Variants in CLPX observed in about 807,000 individuals in gnomAD.
The protein encoded by CLPX is ATP-dependent clpX-like chaperone, mitochondrial.
In CLPX, 34 loss-of-function variants were observed where a neutral mutation model predicts 76.4. The observed-to-expected ratio is 0.45, with a 90% confidence interval of 0.34 to 0.59. CLPX has a LOEUF of 0.59. Ranked by LOEUF, CLPX falls within the 20% of genes least tolerant of loss-of-function variation. The pLI is 0.01. For missense variants in CLPX, 613 were observed against 757.0 expected, an observed-to-expected ratio of 0.81 and a Z score of 2.23; for synonymous variants, 248 against 270.9, an observed-to-expected ratio of 0.92 and a Z score of 0.83.
rs1312204551 is a variant in CLPX at position 65,185,129 on chromosome 15, A to C, written c.25T>G (p.Cys9Gly). 6.3e-7 allele frequency: 1 copy of C among 1,576,948 alleles called. No individual in the cohort carries two copies. Among genetic ancestry groups the C allele is most frequent in the Non-Finnish European group, 8.6e-7 (1 of 1,161,808 alleles). The stretch of plus-strand genomic sequence containing the variant: ...ATGAGCCGGACGGCCGCCGCGCCGC[A>C]AGTACAAGCACCGCAGCTGGGCATC... Reference protein sequence around the residue: MPSCGACTCGAAAVRLITS... With the variant: MPSCGACTGGAAAVRLITS... Residue 9 changes from cysteine (C) to glycine (G), a missense_variant, in exon 1 of 14, where the codon TGC (cysteine) becomes GGC (glycine). This residue lies in a region of CLPX where 163 missense variants were observed against 118.4 expected (regional missense o/e 1.38). Coordinates refer to ENST00000300107, the MANE Select transcript of CLPX (RefSeq NM_006660.5).
At chr15:65,151,879 A>C (rs1034734726) in intron 13 of CLPX, among the ~76,000 whole-genome samples, 14 of 152,160 alleles carry the variant, frequency 9.2e-5, no homozygotes, top group African/African-American at 3.4e-4. Context: ...TTATTGAATA[A>C]ATCAGGGGTT....
intron 12 of CLPX, among the ~76,000 whole-genome samples, chr15:65,152,865 AG>A (rs2087740580): frequency 6.6e-6 from 1 of 150,564 alleles, no homozygotes; most frequent in African/African-American, 2.4e-5. Flanking sequence ...CCAAAGTGCT[AG>A]GATTATGGGC....
intron 3 of CLPX, among the ~76,000 whole-genome samples, chr15:65,168,383 C>CAAAA (rs71136319): frequency 2.8e-5 from 1 of 35,666 alleles, no homozygotes; most frequent in Non-Finnish European, 4.5e-5. Context: ...GACTCTGTCT[C>CAAAA]AAAAAAAAAA....
chr15:65,153,468 A>C (rs985813458), intron 12 of CLPX, 79 bp downstream of exon 12: 17 of 914,324 alleles, frequency 1.9e-5, no homozygotes, highest in Non-Finnish European at 2.6e-5. Context: ...CATATTTTCC[A>C]AAAGAAAAAC....
At chr15:65,177,755 CAG>C (rs924391829) in intron 3 of CLPX, among the ~76,000 whole-genome samples, 1 of 152,112 alleles carries the variant, frequency 6.6e-6, no homozygotes, top group Non-Finnish European at 1.5e-5. Context: ...CTTTGCATTT[CAG>C]AGAGTTACTG....
At chr15:65,167,873 G>A (rs901804992) in intron 3 of CLPX, among the ~76,000 whole-genome samples, 1 of 151,708 alleles carries the variant, frequency 6.6e-6, no homozygotes, top group Non-Finnish European at 1.5e-5. Context: ...GGGAGATAGA[G>A]CAAGACTCCA....
chr15:65,156,688 T>C (rs1354579156), intron 9 of CLPX, 156 bp downstream of exon 9: 3 of 427,496 alleles, frequency 7.0e-6, no homozygotes, highest in African/African-American at 6.1e-5. Flanking sequence ...ACAACTTTCT[T>C]TTAGGATCTA....
chr15:65,164,366 A>G (rs987436560), intron 4 of CLPX, among the ~76,000 whole-genome samples, 178 bp from the exon 5 acceptor site: 1 of 152,226 alleles, frequency 6.6e-6, no homozygotes, highest in Non-Finnish European at 1.5e-5. Flanking sequence ...CACTAAATGA[A>G]CAAAAACACA....
At chr15:65,155,514 C>A (rs1351529493) in intron 10 of CLPX, among the ~76,000 whole-genome samples, 178 bp downstream of exon 10, 1 of 152,176 alleles carries the variant, frequency 6.6e-6, no homozygotes, top group Non-Finnish European at 1.5e-5. Flanking sequence ...TCCCAAAGAA[C>A]TGGGATTATA....
chr15:65,165,275 A>G (rs2087895792), intron 4 of CLPX, among the ~76,000 whole-genome samples: 2 of 152,044 alleles, frequency 1.3e-5, no homozygotes, highest in Non-Finnish European at 2.9e-5. Flanking sequence ...GCTGCAGTGA[A>G]CCATGAGTGT....
At chr15:65,168,749 A>T (rs79810100) in intron 3 of CLPX, among the ~76,000 whole-genome samples, 4 of 149,520 alleles carry the variant, frequency 2.7e-5, no homozygotes, top group Non-Finnish European at 4.5e-5. Context: ...AAGTATAATT[A>T]AAAAAAAAAC....
intron 6 of CLPX, among the ~76,000 whole-genome samples, chr15:65,161,187 A>G (rs2087852418): frequency 6.6e-6 from 1 of 152,200 alleles, no homozygotes; most frequent in Admixed American, 6.5e-5. Context: ...CACAGCCCTT[A>G]AACGCAAACA....
chr15:65,176,986 C>T (rs2088098984), intron 3 of CLPX, among the ~76,000 whole-genome samples: 1 of 151,950 alleles, frequency 6.6e-6, no homozygotes, highest in Non-Finnish European at 1.5e-5. Flanking sequence ...AAGACACTGA[C>T]CTTATAAATT....
rs200249873 is a variant in CLPX, at chr15:65,161,327, T to C, written c.715+1277A>G. 5.3e-5 allele frequency among the ~76,000 whole-genome samples: 8 copies of C among 152,326 alleles called. No individual in the cohort carries two copies. In the East Asian group the frequency reaches 5.8e-4, roughly 11 times the overall value. On this transcript the variant is annotated intron_variant, in intron 6 of 13. Coordinates refer to ENST00000300107, the MANE Select transcript of CLPX (RefSeq NM_006660.5). ...AAAATTTGACTTCCAAAGGGACTTA[T>C]AAGAATTAATCTTATTGTACATGAT...
chr15:65,152,741 G>GT lies in CLPX; in HGVS notation c.1705-206dup, dbSNP rs1228635119. On this transcript the variant is annotated intron_variant, in intron 12 of 13. Coordinates refer to ENST00000300107, the MANE Select transcript of CLPX (RefSeq NM_006660.5). ...TGGGATTATAGCTGTGATTACAGGC[G>GT]TAAGCCACCAAATCTGGCCAATTTT... is the stretch of plus-strand genomic sequence containing the variant. 8.0e-5 allele frequency among the ~76,000 whole-genome samples: 12 copies of GT among 150,768 alleles called. No individual in the cohort carries two copies. In the East Asian group the frequency reaches 2.1e-3, roughly 27 times the overall value.
At position 65,180,091 on chromosome 15, in the gene CLPX, C is replaced by T. The variant is rs147317582; in HGVS notation, c.193G>A (p.Ala65Thr). 3 of 1,611,046 alleles carry T rather than the reference C, an allele frequency of 1.9e-6. No individual in the cohort carries two copies. Among genetic ancestry groups the T allele is most frequent in the South Asian group, 1.1e-5 (1 of 90,484 alleles). The change falls in exon 2 of 14, where the codon GCC (alanine) becomes ACC (threonine). Residue 65 changes from alanine (A) to threonine (T), a missense_variant. Ala to Thr is a moderately conservative substitution (Grantham distance 58). Coordinates refer to ENST00000300107, the MANE Select transcript of CLPX (RefSeq NM_006660.5). Reference sequence around the variant, plus strand: ...TCTTTACTTATCCCATCTTTTGAGGCAAAGTATGCTGGTGTTTCTGTAAAG... The same window carrying T: ...TCTTTACTTATCCCATCTTTTGAGGTAAAGTATGCTGGTGTTTCTGTAAAG... ...RSFTETPAYFASKDGISKDGS... is the reference protein window; with the variant it reads ...RSFTETPAYFTSKDGISKDGS...
At position 65,150,741 on chromosome 15, in the gene CLPX, C is replaced by T; in HGVS notation, c.*82G>A. The T allele has an allele frequency of 1.1e-6, 1 of 929,566 alleles. No homozygotes were observed. Among genetic ancestry groups the T allele is most frequent in the South Asian group, 1.6e-5 (1 of 60,866 alleles). 57.6% of individuals were successfully genotyped at this position (929,566 alleles called of 1,614,324 possible). A position where few individuals can be genotyped will look rare whatever the true frequency, so the allele number is the denominator to read the frequency against. ...ATGATATCCAAGATAGATCCAATGC[C>T]TTTAATATCAGACTGTAGAGACAAT... On this transcript the variant is annotated 3_prime_UTR_variant, in exon 14 of 14. Coordinates refer to ENST00000300107, the MANE Select transcript of CLPX (RefSeq NM_006660.5).
intron 3 of CLPX, among the ~76,000 whole-genome samples, chr15:65,167,415 C>G (rs2087930945): frequency 6.6e-6 from 1 of 151,962 alleles, no homozygotes; most frequent in South Asian, 2.1e-4. Context: ...GAGTAATCAT[C>G]TATTTTATTG....
At chr15:65,172,085 T>G (rs1057355490) in intron 3 of CLPX, among the ~76,000 whole-genome samples, 2 of 152,174 alleles carry the variant, frequency 1.3e-5, no homozygotes, top group Non-Finnish European at 2.9e-5. Context: ...AACCTCCGCC[T>G]CCCGAGTAGC....
Sources: gnomAD v4.1 joint callset for allele counts (sites outside exome capture counted in the v4.1 genomes callset) on GRCh38, gnomAD v4.1.1 for gene constraint, gnomAD v4.1.1 regional missense constraint, MANE v1.5 for transcripts, NCBI Gene and HGNC (gene_info 2026-07-23, HGNC 2026-07-21) for gene names.